Variants in ENPEP observed in about 807,000 individuals in gnomAD.
ENPEP encodes glutamyl aminopeptidase, also known as AP-A.
A neutral mutation model predicts 114.5 loss-of-function variants in ENPEP; 103 were observed. The ratio of observed to expected loss-of-function variants is 0.90; its 90% CI spans 0.77 to 1.06. The LOEUF is 1.06. ENPEP is among the 50% of genes least tolerant of loss of function. ENPEP has a pLI of 0.00. For synonymous variants in ENPEP, 420 were observed against 422.0 expected (o/e 1.00, Z 0.06); for missense variants, 1,196 against 1,161.3 (o/e 1.03, Z -0.43).
rs763348672 is a variant in ENPEP, at chr4:110,549,757, T to C, written c.2372T>C (p.Met791Thr). ...AGGCTTCTGGTGTATCGGTATGGGATGCAGAACTCTGGCAATGAGATTTCA... is the reference window on the plus strand; with the variant it reads ...AGGCTTCTGGTGTATCGGTATGGGACGCAGAACTCTGGCAATGAGATTTCA... ...NLRLLVYRYG[M>T]QNSGNEISWN... The change falls in exon 17 of 20, where the codon ATG becomes ACG. Residue 791 changes from methionine (M) to threonine (T), a missense_variant. By Grantham distance (81) the Met-to-Thr change is moderately conservative (BLOSUM62 -1). Coordinates refer to ENST00000265162, the MANE Select transcript of ENPEP (RefSeq NM_001977.4). The C allele has an allele frequency of 1.2e-6, 2 of 1,613,418 alleles. No homozygotes were observed. Among genetic ancestry groups the C allele is most frequent in the East Asian group, 4.5e-5 (2 of 44,860 alleles).
chr4:110,550,817 TA>T (rs2110395940), intron 17 of ENPEP, among the ~76,000 whole-genome samples: 1 of 152,244 alleles, frequency 6.6e-6, no homozygotes, highest in South Asian at 2.1e-4. Context: ...ATGTAAACAG[TA>T]AATTACAATG....
At chr4:110,527,946 T>C (rs1413737455) in intron 10 of ENPEP, among the ~76,000 whole-genome samples, 1 of 152,188 alleles carries the variant, frequency 6.6e-6, no homozygotes, top group Non-Finnish European at 1.5e-5. Context: ...TGGTTATGAA[T>C]TTCTCTTCAC....
intron 3 of ENPEP, among the ~76,000 whole-genome samples, chr4:110,499,801 G>C (rs1311342028): frequency 1.3e-5 from 2 of 152,118 alleles, no homozygotes; most frequent in Non-Finnish European, 2.9e-5. Flanking sequence ...TGGATTAGGG[G>C]TTGTGGGAAC....
chr4:110,490,664 C>T (rs945339931), intron 2 of ENPEP, among the ~76,000 whole-genome samples: 12 of 152,118 alleles, frequency 7.9e-5, no homozygotes, highest in African/African-American at 2.7e-4. Flanking sequence ...TACTGCCAGT[C>T]GAATCAGCAA....
chr4:110,532,900 A>T (rs1419231455), intron 11 of ENPEP, among the ~76,000 whole-genome samples: 1 of 152,066 alleles, frequency 6.6e-6, no homozygotes, highest in Non-Finnish European at 1.5e-5. Context: ...TGGTCTTCTG[A>T]CCATTTTCTT....
At chr4:110,489,958 C>T (rs1724641836) in intron 2 of ENPEP, among the ~76,000 whole-genome samples, 1 of 152,098 alleles carries the variant, frequency 6.6e-6, no homozygotes, top group South Asian at 2.1e-4. Flanking sequence ...CTCTTAGCAG[C>T]CATCCATGCC....
In ENPEP at chr4:110,520,254, ACCAGACAG is replaced by A; in HGVS notation, c.1616_1623del (p.Thr539AsnfsTer7). 1 of 1,614,128 alleles carries A rather than the reference ACCAGACAG, an allele frequency of 6.2e-7. No homozygotes were observed. Among genetic ancestry groups the A allele is most frequent in the Non-Finnish European group, 8.5e-7 (1 of 1,179,978 alleles). On this transcript the variant is annotated frameshift_variant, in exon 10 of 20. Transcript: ENST00000265162. LOFTEE classifies it high-confidence loss of function. Reference sequence around the variant, plus strand: ...AGTGAAAGAAGTAATGGACACCTGGACCAGACAGATGGGTTATCCTGTGCTTAACGTGA... The same window carrying A: ...AGTGAAAGAAGTAATGGACACCTGGAATGGGTTATCCTGTGCTTAACGTGA...
At chr4:110,522,039 C>T (rs975459895) in intron 10 of ENPEP, among the ~76,000 whole-genome samples, 4 of 151,952 alleles carry the variant, frequency 2.6e-5, no homozygotes, top group South Asian at 2.1e-4. Flanking sequence ...CCACCACACC[C>T]GGCTAATTTT....
intron 1 of ENPEP, among the ~76,000 whole-genome samples, chr4:110,482,047 G>A (rs192946001): frequency 9.9e-5 from 15 of 152,202 alleles, no homozygotes; most frequent in Middle Eastern, 3.4e-3. Context: ...AAACCCTTAC[G>A]GAGGAAAAGG....
chr4:110,520,551 G>A (rs770135279), intron 10 of ENPEP, among the ~76,000 whole-genome samples, 185 bp downstream of exon 10: 1 of 152,162 alleles, frequency 6.6e-6, no homozygotes, highest in Non-Finnish European at 1.5e-5. Flanking sequence ...GGTGGGCAGA[G>A]CACATCCATC....
chr4:110,549,752 T>G lies in ENPEP; in HGVS notation c.2367T>G (p.Tyr789Ter). 6.2e-7 allele frequency: 1 copy of G among 1,613,380 alleles called. No homozygotes were observed. Among genetic ancestry groups the G allele is most frequent in the Non-Finnish European group, 8.5e-7 (1 of 1,179,574 alleles). ...ATCTCAGGCTTCTGGTGTATCGGTA[T>G]GGGATGCAGAACTCTGGCAATGAGA... ...PVNLRLLVYR[Y>*]GMQNSGNEIS... is the part of the protein sequence containing the mutation. The change falls in exon 17 of 20, where the codon TAT becomes TAG. Residue 789 changes from tyrosine to a stop codon, truncating the protein, a stop_gained. Transcript: ENST00000265162. LOFTEE classifies it high-confidence loss of function.
intron 19 of ENPEP, among the ~76,000 whole-genome samples, chr4:110,560,647 G>A (rs1456303930): frequency 6.6e-6 from 1 of 152,144 alleles, no homozygotes; most frequent in Admixed American, 6.5e-5. Flanking sequence ...AGAAAGTCTC[G>A]CCTCTCCTGT....
intron 11 of ENPEP, among the ~76,000 whole-genome samples, chr4:110,538,020 T>C (rs978332664): frequency 5.3e-5 from 8 of 152,220 alleles, no homozygotes; most frequent in Non-Finnish European, 1.2e-4. Flanking sequence ...TGTTGTTCCA[T>C]TTATAGAGCA....
rs938069193 is a variant in ENPEP, at chr4:110,490,680, T to C, written c.787-353T>C. 7.2e-4 allele frequency among the ~76,000 whole-genome samples: 109 copies of C among 152,216 alleles called. 2 individuals carry two copies. The highest frequency in any genetic ancestry group is 2.6e-4 in the Admixed American group (4 of 15,274). On this transcript the variant is annotated intron_variant, in intron 2 of 19. Coordinates refer to ENST00000265162, the MANE Select transcript of ENPEP (RefSeq NM_001977.4). ...ACTGCCAGTCGAATCAGCAAATATC[T>C]GAGCACGAGTCTGTTTTTCATTAGG... is the stretch of plus-strand genomic sequence containing the variant.
At chr4:110,546,151 A>T (rs536261790) in intron 13 of ENPEP, among the ~76,000 whole-genome samples, 1 of 151,732 alleles carries the variant, frequency 6.6e-6, no homozygotes, top group South Asian at 2.1e-4. Flanking sequence ...AGTTTCTCCA[A>T]CCTCTTTTAT....
At chr4:110,558,147 C>T (rs1041203282) in intron 18 of ENPEP, among the ~76,000 whole-genome samples, 1 of 146,696 alleles carries the variant, frequency 6.8e-6, no homozygotes, top group African/African-American at 2.5e-5. Flanking sequence ...AAGGGCAAAC[C>T]ATCACCTCCC....
At chr4:110,505,596 G>A (rs1725344436) in intron 3 of ENPEP, among the ~76,000 whole-genome samples, 1 of 152,238 alleles carries the variant, frequency 6.6e-6, no homozygotes, top group South Asian at 2.1e-4. Flanking sequence ...ATAATAAAGA[G>A]AGTGGGCAAT....
intron 14 of ENPEP, 113 bp downstream of exon 14, chr4:110,548,439 T>A: frequency 1.1e-6 from 1 of 876,380 alleles, no homozygotes; most frequent in Non-Finnish European, 1.6e-6. Flanking sequence ...GCTTGCCAGG[T>A]GGAATCAAAA....
chr4:110,501,001 C>A (rs994289934), intron 3 of ENPEP, among the ~76,000 whole-genome samples: 2 of 152,080 alleles, frequency 1.3e-5, no homozygotes, highest in Non-Finnish European at 2.9e-5. Flanking sequence ...TTCAAAATCA[C>A]CAAATCCAAG....
Sources: gnomAD v4.1 joint callset for allele counts (sites outside exome capture counted in the v4.1 genomes callset) on GRCh38, gnomAD v4.1.1 for gene constraint, MANE v1.5 for transcripts, NCBI Gene and HGNC (gene_info 2026-07-23, HGNC 2026-07-21) for gene names.